Variants in NLGN1 observed in about 807,000 individuals in gnomAD.
The protein encoded by NLGN1 is neuroligin-1.
A neutral mutation model predicts 65.5 loss-of-function variants in NLGN1; 12 were observed. The ratio of observed to expected loss-of-function variants is 0.18; its 90% CI spans 0.12 to 0.30. The LOEUF (loss-of-function observed/expected upper bound fraction) is 0.30. Ranked by LOEUF, NLGN1 falls within the 10% of genes least tolerant of loss-of-function variation. The pLI, the probability that NLGN1 is intolerant of heterozygous loss-of-function variation, is 1.00. For missense variants in NLGN1, 750 were observed against 1,007.1 expected (o/e 0.74, Z 3.46); for synonymous variants, 350 against 359.5 (o/e 0.97, Z 0.30).
chr3:173,842,160 G>A (rs1422215135), intron 4 of NLGN1, among the ~76,000 whole-genome samples: 2 of 152,124 alleles, frequency 1.3e-5, no homozygotes, highest in African/African-American at 4.8e-5. Flanking sequence ...AAAACTATCA[G>A]ATTTCATGAG....
At chr3:174,220,503 C>T (rs1288293352) in intron 4 of NLGN1, among the ~76,000 whole-genome samples, 1 of 152,120 alleles carries the variant, frequency 6.6e-6, no homozygotes, top group Non-Finnish European at 1.5e-5. Flanking sequence ...TTTGGCTACA[C>T]ACACATACTT....
chr3:173,971,260 A>G (rs551061260), intron 4 of NLGN1, among the ~76,000 whole-genome samples: 1 of 152,288 alleles, frequency 6.6e-6, no homozygotes, highest in Non-Finnish European at 1.5e-5. Flanking sequence ...CTGATTGCCA[A>G]TGAGATGTCG....
At chr3:174,216,490 A>G (rs996063781) in intron 4 of NLGN1, among the ~76,000 whole-genome samples, 1 of 152,102 alleles carries the variant, frequency 6.6e-6, no homozygotes, top group African/African-American at 2.4e-5. Flanking sequence ...GGGAAAGAAA[A>G]TCAGTTCTTC....
At chr3:173,578,148 A>G (rs1745814473) in intron 2 of NLGN1, among the ~76,000 whole-genome samples, 1 of 151,618 alleles carries the variant, frequency 6.6e-6, no homozygotes, top group African/African-American at 2.4e-5. Context: ...AGGCAGGAGA[A>G]TGGCATGAAC....
chr3:173,455,014 T>C (rs530119469), intron 2 of NLGN1, among the ~76,000 whole-genome samples: 3 of 152,132 alleles, frequency 2.0e-5, no homozygotes, highest in Admixed American at 6.5e-5. Context: ...GAATGGCCAG[T>C]TGGTGGAGCA....
chr3:173,563,187 A>G (rs531672914), intron 2 of NLGN1, among the ~76,000 whole-genome samples: 2 of 152,374 alleles, frequency 1.3e-5, no homozygotes, highest in African/African-American at 2.4e-5. Flanking sequence ...ATCTGAGGAC[A>G]TGAGCTGGCC....
intron 4 of NLGN1, among the ~76,000 whole-genome samples, chr3:174,251,564 GAA>G (rs901755009): frequency 6.6e-6 from 1 of 152,014 alleles, no homozygotes; most frequent in Admixed American, 6.6e-5. Context: ...GATAAGCTTG[GAA>G]AAAAAGTTAG....
intron 4 of NLGN1, among the ~76,000 whole-genome samples, chr3:174,019,805 A>G (rs769054095): frequency 2.0e-5 from 3 of 152,132 alleles, no homozygotes; most frequent in Non-Finnish European, 2.9e-5. Context: ...ATAGTTACGC[A>G]CTAGAACAAA....
chr3:173,761,249 A>C (rs1777927081), intron 3 of NLGN1, among the ~76,000 whole-genome samples: 1 of 152,010 alleles, frequency 6.6e-6, no homozygotes, highest in Non-Finnish European at 1.5e-5. Flanking sequence ...GAAACAACCT[A>C]ATTTGCTTGT....
At chr3:173,605,747 A>T (rs2149450976) in intron 3 of NLGN1, among the ~76,000 whole-genome samples, 154 bp downstream of exon 3, 1 of 152,056 alleles carries the variant, frequency 6.6e-6, no homozygotes, top group East Asian at 1.9e-4. Flanking sequence ...AAAGGTGTTT[A>T]AGGAGAGCTC....
intron 2 of NLGN1, among the ~76,000 whole-genome samples, chr3:173,548,999 C>T (rs930447886): frequency 5.9e-5 from 9 of 151,920 alleles, no homozygotes; most frequent in African/African-American, 2.2e-4. Context: ...ATTGTTACTC[C>T]TTACGAATTG....
chr3:173,902,306 A>G (rs554885496), intron 4 of NLGN1, among the ~76,000 whole-genome samples: 5 of 152,252 alleles, frequency 3.3e-5, no homozygotes, highest in African/African-American at 9.6e-5. Context: ...TTCCATAGGA[A>G]TACACACATG....
intron 4 of NLGN1, among the ~76,000 whole-genome samples, chr3:174,215,791 A>G (rs1050237820): frequency 2.4e-4 from 36 of 152,270 alleles, no homozygotes; most frequent in African/African-American, 7.5e-4. Context: ...CAATGAATAT[A>G]TTTGAGGACA....
At chr3:173,781,695 A>G (rs1163288403) in intron 3 of NLGN1, among the ~76,000 whole-genome samples, 2 of 152,242 alleles carry the variant, frequency 1.3e-5, no homozygotes, top group Non-Finnish European at 2.9e-5. Context: ...GTGTCTCAGT[A>G]ATTGGATTTG....
chr3:174,235,786 A>C (rs1428664361), intron 4 of NLGN1, among the ~76,000 whole-genome samples: 1 of 152,302 alleles, frequency 6.6e-6, no homozygotes, highest in African/African-American at 2.4e-5. Context: ...TGTCTTCTAA[A>C]AGAGTAGAAC....
chr3:173,664,399 G>A (rs903515723), intron 3 of NLGN1, among the ~76,000 whole-genome samples: 12 of 151,938 alleles, frequency 7.9e-5, no homozygotes, highest in Admixed American at 7.9e-4. Context: ...AAATGGAATT[G>A]GCATCTAAAT....
intron 4 of NLGN1, among the ~76,000 whole-genome samples, chr3:173,849,553 G>A (rs1380738806): frequency 8.5e-5 from 13 of 152,076 alleles, no homozygotes; most frequent in Non-Finnish European, 1.5e-4. Flanking sequence ...AAAATCAGCG[G>A]TATGCAAAAT....
At chr3:173,545,542 G>C (rs1222383512) in intron 2 of NLGN1, among the ~76,000 whole-genome samples, 1 of 152,072 alleles carries the variant, frequency 6.6e-6, no homozygotes, top group South Asian at 2.1e-4. Context: ...AAACAGATTG[G>C]TTTTTTTAAA....
chr3:173,658,117 A>G (rs1760358595), intron 3 of NLGN1, among the ~76,000 whole-genome samples: 1 of 152,014 alleles, frequency 6.6e-6, no homozygotes, highest in East Asian at 1.9e-4. Context: ...GTGACAGTCT[A>G]CATTATTAGT....
Sources: gnomAD v4.1 joint callset for allele counts (sites outside exome capture counted in the v4.1 genomes callset) on GRCh38, gnomAD v4.1.1 for gene constraint, MANE v1.5 for transcripts, NCBI Gene and HGNC (gene_info 2026-07-23, HGNC 2026-07-21) for gene names.